Variants in HS6ST3 observed in about 807,000 individuals in gnomAD.
HS6ST3 encodes the protein heparan-sulfate 6-O-sulfotransferase 3.
Under a neutral mutation model 36.7 loss-of-function variants are expected in HS6ST3, and 12 were observed. That is an observed-to-expected ratio of 0.33 (90% confidence interval 0.21 to 0.53). The LOEUF (loss-of-function observed/expected upper bound fraction) is 0.53. HS6ST3 is among the 20% of genes least tolerant of loss of function. The pLI is 0.95. For missense variants in HS6ST3, 584 were observed against 640.9 expected, an observed-to-expected ratio of 0.91 and a Z score of 0.96; for synonymous variants, 240 against 257.5, an observed-to-expected ratio of 0.93 and a Z score of 0.65.
intron 1 of HS6ST3, among the ~76,000 whole-genome samples, chr13:96,583,616 A>G (rs1435745623): frequency 6.6e-6 from 1 of 152,100 alleles, no homozygotes; most frequent in East Asian, 1.9e-4. Flanking sequence ...TCTCCACCAT[A>G]CTGGTTAAGT....
At chr13:96,211,462 A>G (rs928168979) in intron 1 of HS6ST3, among the ~76,000 whole-genome samples, 3 of 152,152 alleles carry the variant, frequency 2.0e-5, no homozygotes, top group Non-Finnish European at 4.4e-5. Context: ...GGCTTATGTA[A>G]ATAGATGTTT....
chr13:96,487,974 C>T (rs1467902503), intron 1 of HS6ST3, among the ~76,000 whole-genome samples: 1 of 152,068 alleles, frequency 6.6e-6, no homozygotes, highest in South Asian at 2.1e-4. Flanking sequence ...GGTGGTCAAC[C>T]ACATCACATA....
intron 1 of HS6ST3, among the ~76,000 whole-genome samples, chr13:96,619,545 A>G (rs1056051793): frequency 2.6e-5 from 4 of 152,236 alleles, no homozygotes; most frequent in African/African-American, 7.2e-5. Context: ...ACAGGCATTT[A>G]TATAATCTAA....
At chr13:96,168,579 C>A (rs1320470644) in intron 1 of HS6ST3, among the ~76,000 whole-genome samples, 1 of 151,582 alleles carries the variant, frequency 6.6e-6, no homozygotes, top group African/African-American at 2.4e-5. Flanking sequence ...TGGTGTGTAC[C>A]TATAGTCCCA....
intron 1 of HS6ST3, among the ~76,000 whole-genome samples, chr13:96,556,084 T>A (rs1594806105): frequency 6.6e-6 from 1 of 152,194 alleles, no homozygotes; most frequent in East Asian, 1.9e-4. Context: ...AGTCTGAAGG[T>A]CAAGGTGGCC....
intron 1 of HS6ST3, among the ~76,000 whole-genome samples, chr13:96,214,776 A>G (rs2054415954): frequency 1.3e-5 from 2 of 152,088 alleles, no homozygotes; most frequent in African/African-American, 4.8e-5. Flanking sequence ...CTAAATTTTA[A>G]AAACAGAAAT....
At chr13:96,352,213 A>G (rs1017251779) in intron 1 of HS6ST3, among the ~76,000 whole-genome samples, 2 of 152,232 alleles carry the variant, frequency 1.3e-5, no homozygotes, top group Admixed American at 1.3e-4. Context: ...TCGATGACTT[A>G]AAACAACAAT....
intron 1 of HS6ST3, among the ~76,000 whole-genome samples, chr13:96,802,721 C>G (rs891894653): frequency 6.6e-6 from 1 of 152,120 alleles, no homozygotes; most frequent in Non-Finnish European, 1.5e-5. Context: ...TGATCGTAAC[C>G]AACAAGTTGA....
intron 1 of HS6ST3, among the ~76,000 whole-genome samples, chr13:96,282,547 C>A (rs900026440): frequency 1.3e-5 from 2 of 152,156 alleles, no homozygotes. Context: ...TGTCCTCATG[C>A]CATGGGATGC....
At chr13:96,376,755 G>A (rs983826439) in intron 1 of HS6ST3, among the ~76,000 whole-genome samples, 2 of 151,974 alleles carry the variant, frequency 1.3e-5, no homozygotes, top group African/African-American at 4.8e-5. Context: ...AATTCCTATA[G>A]TAAACATTCA....
intron 1 of HS6ST3, chr13:96,427,417 G>A (rs2055592692): frequency 6.6e-6 from 1 of 152,060 alleles, no homozygotes; most frequent in African/African-American, 2.4e-5. Context: ...TTATTTCAGG[G>A]AAGACTTCAC....
chr13:96,589,016 A>G (rs2056372957), intron 1 of HS6ST3, among the ~76,000 whole-genome samples: 1 of 147,642 alleles, frequency 6.8e-6, no homozygotes, highest in Non-Finnish European at 1.5e-5. Context: ...GCACCACTGC[A>G]CTCCAGCCTG....
chr13:96,457,159 T>C (rs1366156766), intron 1 of HS6ST3, among the ~76,000 whole-genome samples: 1 of 152,146 alleles, frequency 6.6e-6, no homozygotes, highest in Non-Finnish European at 1.5e-5. Context: ...TACTCTGAAG[T>C]ATATTTCAGT....
chr13:96,652,454 C>T (rs1409542624), intron 1 of HS6ST3, among the ~76,000 whole-genome samples: 1 of 151,642 alleles, frequency 6.6e-6, no homozygotes, highest in African/African-American at 2.4e-5. Flanking sequence ...CTCCTTCTTC[C>T]TTCTGTTTGT....
chr13:96,546,791 A>G (rs1043547365), intron 1 of HS6ST3, among the ~76,000 whole-genome samples: 5 of 152,292 alleles, frequency 3.3e-5, no homozygotes, highest in Non-Finnish European at 5.9e-5. Context: ...TCACATTTGC[A>G]TATTAAAGAT....
rs539845404 is a variant in HS6ST3, at chr13:96,685,473, A to T, written c.708-147017A>T. ...TATTTATGGTTCTGATCAGCCATTT[A>T]TATGGTGGGTTTCATGCCACCAGGA... On this transcript the variant is annotated intron_variant, in intron 1 of 1. Transcript: ENST00000376705. Among the ~76,000 whole-genome samples the T allele has an allele frequency of 3.3e-5, 5 of 152,186 alleles. No individual in the cohort carries two copies. The South Asian group carries it at 8.3e-4, about 25-fold the overall frequency.
At chr13:96,654,448 C>G (rs541559712) in intron 1 of HS6ST3, among the ~76,000 whole-genome samples, 2 of 152,268 alleles carry the variant, frequency 1.3e-5, no homozygotes, top group South Asian at 2.1e-4. Context: ...TTTCCCAACA[C>G]GATTTATTAA....
chr13:96,211,191 C>T (rs991395947), intron 1 of HS6ST3, among the ~76,000 whole-genome samples: 7 of 152,196 alleles, frequency 4.6e-5, no homozygotes, highest in Admixed American at 3.9e-4. Flanking sequence ...CTTGGGCTCC[C>T]AGAGTACTGA....
At chr13:96,124,604 TG>T in intron 1 of HS6ST3, among the ~76,000 whole-genome samples, 1 of 152,164 alleles carries the variant, frequency 6.6e-6, no homozygotes, top group Admixed American at 6.5e-5. Flanking sequence ...GTATGGTGTT[TG>T]GGGTTAGTGT....
Sources: gnomAD v4.1 joint callset for allele counts (sites outside exome capture counted in the v4.1 genomes callset) on GRCh38, gnomAD v4.1.1 for gene constraint, MANE v1.5 for transcripts, NCBI Gene and HGNC (gene_info 2026-07-23, HGNC 2026-07-21) for gene names.